CDC16: variants seen among roughly 807,000 people sequenced by gnomAD.
The protein encoded by CDC16 is cell division cycle 16.
CDC16 carries 34 observed loss-of-function variants against 87.0 expected under a neutral mutation model. The ratio of observed to expected loss-of-function variants is 0.39; its 90% CI spans 0.30 to 0.52. The LOEUF (loss-of-function observed/expected upper bound fraction) is 0.52, where lower values mean the gene tolerates loss of function less well. Ranked by LOEUF, CDC16 falls within the 20% of genes least tolerant of loss-of-function variation. The pLI is 0.74. For synonymous variants in CDC16, 263 were observed against 260.6 expected (o/e 1.01, Z -0.09); for missense variants, 653 against 751.9 (o/e 0.87, Z 1.54).
rs1566700110 is a variant in CDC16 at position 114,272,414 on chromosome 13, G to C, written c.1834G>C (p.Glu612Gln). 3 of 1,613,682 alleles carry C rather than the reference G, an allele frequency of 1.9e-6. No homozygotes were observed. The highest frequency in any genetic ancestry group is 2.5e-6 in the Non-Finnish European group (3 of 1,179,658). ...AATGAATGAAAGTGACATGATGTTAGAGACATCTATGTCAGACCACAGCAC... is the reference window on the plus strand; with the variant it reads ...AATGAATGAAAGTGACATGATGTTACAGACATCTATGTCAGACCACAGCAC... ...IEMNESDMML[E>Q]TSMSDHST The change falls in exon 18 of 18, where the codon GAG becomes CAG. Residue 612 changes from glutamate (E) to glutamine (Q), a missense_variant. Glu to Gln is a conservative substitution (Grantham distance 29). Coordinates refer to ENST00000356221, the MANE Select transcript of CDC16 (RefSeq NM_001078645.3).
At position 114,262,994 on chromosome 13, in the gene CDC16, G is replaced by T. The variant is rs765882538; in HGVS notation, c.1492G>T (p.Ala498Ser). 2 of 1,613,932 alleles carry T rather than the reference G, an allele frequency of 1.2e-6. No homozygotes were observed. Among genetic ancestry groups the T allele is most frequent in the South Asian group, 2.2e-5 (2 of 91,082 alleles). The change falls in exon 16 of 18, where the codon GCT becomes TCT. Residue 498 changes from alanine (A) to serine (S), a missense_variant. Physicochemically the swap from Ala to Ser is moderately conservative, Grantham distance 99. Transcript: ENST00000356221. ...IHSLMGNFEN[A>S]VDYFHTALGL... ...CAGTCTGATGGGCAACTTTGAAAATGCTGTGGACTACTTCCACACAGTATG... is the reference window on the plus strand; with the variant it reads ...CAGTCTGATGGGCAACTTTGAAAATTCTGTGGACTACTTCCACACAGTATG...
chr13:114,259,545 G>C lies in CDC16; in HGVS notation c.1314+147G>C, dbSNP rs535106208. ...GCGGCTGTTAATGTTTGCATTGTCA[G>C]TTAACTGTTTTACCACATGGTAAGA... On this transcript the variant is annotated intron_variant, in intron 14 of 17. Coordinates refer to ENST00000356221, the MANE Select transcript of CDC16 (RefSeq NM_001078645.3). The C allele has an allele frequency of 2.0e-4, 101 of 503,330 alleles. No homozygotes were observed. In the South Asian group the frequency reaches 3.7e-3, roughly 18 times the overall value. The allele number at this position is 503,330 out of a possible 1,614,324, so 31.2% of individuals were successfully genotyped here. A position where few individuals can be genotyped will look rare whatever the true frequency, so the allele number is the denominator to read the frequency against.
At chr13:114,252,983 T>A (rs1974083) in intron 12 of CDC16, among the ~76,000 whole-genome samples, 96,273 of 151,950 alleles carry the variant, frequency 0.63, 32,271 homozygotes, top group African/African-American at 0.86. Context: ...AAAAAAAATT[T>A]AAAATTAGCT....
chr13:114,253,116 T>C (rs2082288013), intron 12 of CDC16, among the ~76,000 whole-genome samples: 1 of 152,158 alleles, frequency 6.6e-6, no homozygotes, highest in Admixed American at 6.5e-5. Flanking sequence ...TCATGATAGC[T>C]CATCAAGATA....
intron 9 of CDC16, 87 bp from the exon 10 acceptor site, chr13:114,245,913 A>G: frequency 2.8e-6 from 2 of 727,102 alleles, no homozygotes; most frequent in South Asian, 1.6e-5. Context: ...GAGCAGAATT[A>G]TATGATTGTG....
At position 114,234,956 on chromosome 13, in the gene CDC16, C is replaced by A; in HGVS notation, c.-129C>A. 1.6e-6 allele frequency: 1 copy of A among 610,624 alleles called. No homozygotes were observed. Among genetic ancestry groups the A allele is most frequent in the Non-Finnish European group, 2.4e-6 (1 of 422,440 alleles). The allele number at this position is 610,624 out of a possible 1,614,324, so 37.8% of individuals were successfully genotyped here. ...GGTGGGGACCTGCGGCCTTCGAGTCCGCGGCCTTCGAGTCCTGGGGCGGCG... is the reference window on the plus strand; with the variant it reads ...GGTGGGGACCTGCGGCCTTCGAGTCAGCGGCCTTCGAGTCCTGGGGCGGCG... On this transcript the variant is annotated 5_prime_UTR_variant, in exon 1 of 18. Coordinates refer to ENST00000356221, the MANE Select transcript of CDC16 (RefSeq NM_001078645.3).
In CDC16 at chr13:114,272,511, C is replaced by T. The variant is rs1397668370; in HGVS notation, c.*68C>T. ...GTATTCCTTCACATCCTCTCCATGGCTTAAGAATGTCCCACTTCCTAACGT... is the reference window on the plus strand; with the variant it reads ...GTATTCCTTCACATCCTCTCCATGGTTTAAGAATGTCCCACTTCCTAACGT... On this transcript the variant is annotated 3_prime_UTR_variant, in exon 18 of 18. Transcript: ENST00000356221. The T allele has an allele frequency of 2.2e-6, 3 of 1,387,186 alleles. No individual in the cohort carries two copies. Among genetic ancestry groups the T allele is most frequent in the Admixed American group, 4.2e-5 (2 of 48,166 alleles). The allele number at this position is 1,387,186 out of a possible 1,614,324, so 85.9% of individuals were successfully genotyped here.
At position 114,272,345 on chromosome 13, in the gene CDC16, A is replaced by G; in HGVS notation, c.1765A>G (p.Thr589Ala). 6.2e-7 allele frequency: 1 copy of G among 1,614,152 alleles called. No homozygotes were observed. The highest frequency in any genetic ancestry group is 1.1e-5 in the South Asian group (1 of 91,084). ...GLTPLETSRKTPDSRPSLEET... is the reference protein window; with the variant it reads ...GLTPLETSRKAPDSRPSLEET... Reference sequence around the variant, plus strand: ...TACGCCATTGGAAACCTCAAGGAAAACTCCAGATTCCAGACCTTCCTTGGA... The same window carrying G: ...TACGCCATTGGAAACCTCAAGGAAAGCTCCAGATTCCAGACCTTCCTTGGA... The change falls in exon 18 of 18, where the codon ACT (threonine) becomes GCT (alanine). Residue 589 changes from threonine (T) to alanine (A), a missense_variant. Transcript: ENST00000356221.
intron 12 of CDC16, among the ~76,000 whole-genome samples, chr13:114,252,669 T>C (rs1022635135): frequency 6.6e-6 from 1 of 152,186 alleles, no homozygotes; most frequent in African/African-American, 2.4e-5. Flanking sequence ...AATAATTCAC[T>C]ATGAGTTGGT....
intron 8 of CDC16, 76 bp downstream of exon 8, chr13:114,244,065 C>T: frequency 1.0e-6 from 1 of 1,000,636 alleles, no homozygotes; most frequent in Non-Finnish European, 1.5e-6. Flanking sequence ...CGGACGTGCT[C>T]TCTGAATAAT....
intron 3 of CDC16, among the ~76,000 whole-genome samples, chr13:114,237,945 A>G (rs1171176626): frequency 6.6e-6 from 1 of 152,222 alleles, no homozygotes. Flanking sequence ...TGCAGGATAA[A>G]GTCAGATGCA....
chr13:114,256,734 A>G (rs1057488592), intron 12 of CDC16, among the ~76,000 whole-genome samples: 16 of 152,248 alleles, frequency 1.1e-4, no homozygotes, highest in African/African-American at 3.9e-4. Context: ...TGGTGAGTAA[A>G]TAAGAGGAAG....
intron 12 of CDC16, among the ~76,000 whole-genome samples, chr13:114,256,462 T>G (rs1203967332): frequency 2.6e-5 from 4 of 152,208 alleles, no homozygotes; most frequent in African/African-American, 4.8e-5. Flanking sequence ...AAAGATTGTC[T>G]TATTACACTT....
At chr13:114,237,553 A>G (rs997693528) in intron 3 of CDC16, among the ~76,000 whole-genome samples, 2 of 152,106 alleles carry the variant, frequency 1.3e-5, no homozygotes, top group Non-Finnish European at 2.9e-5. Context: ...TGGTCTCCCA[A>G]AGTGCTGGGA....
Position 114,241,652 on chromosome 13 carries a change from A to T in CDC16, c.382-469A>T, listed in dbSNP as rs116610865. Among the ~76,000 whole-genome samples, 459 of 152,312 alleles carry T rather than the reference A, an allele frequency of 3.0e-3. 1 individual carries two copies. The highest frequency in any genetic ancestry group is 0.011 in the African/African-American group (441 of 41,564). ...GTGAATTGAAGAAGCTTTGCTGTGC[A>T]TTTTTTGTGTGTTTTTATTTATGCC... is the stretch of plus-strand genomic sequence containing the variant. On this transcript the variant is annotated intron_variant, in intron 5 of 17. Transcript: ENST00000356221.
chr13:114,264,549 ACT>A (rs927892213), intron 16 of CDC16, among the ~76,000 whole-genome samples: 3 of 151,680 alleles, frequency 2.0e-5, no homozygotes, highest in Admixed American at 6.6e-5. Context: ...ACAGAGCGAG[ACT>A]CTGTCTCAAA....
At chr13:114,257,548 G>T (rs1175284063) in intron 13 of CDC16, among the ~76,000 whole-genome samples, 2 of 152,136 alleles carry the variant, frequency 1.3e-5, no homozygotes, top group Non-Finnish European at 2.9e-5. Flanking sequence ...TGTTGATAAG[G>T]AGTTGAATTT....
At chr13:114,241,559 C>G (rs1056625063) in intron 5 of CDC16, among the ~76,000 whole-genome samples, 1 of 152,198 alleles carries the variant, frequency 6.6e-6, no homozygotes, top group Non-Finnish European at 1.5e-5. Flanking sequence ...GGTAATGAAC[C>G]TAGTAGCCGT....
At position 114,242,134 on chromosome 13, in the gene CDC16, T is replaced by G; in HGVS notation, c.395T>G (p.Ile132Ser). Reference sequence around the variant, plus strand: ...TTTTTCCAACAGATAAAGAGTTCTATCTGTCTTCTACGCGGGAAAATCTAT... The same window carrying G: ...TTTTTCCAACAGATAAAGAGTTCTAGCTGTCTTCTACGCGGGAAAATCTAT... ...EMSQSSIKSSICLLRGKIYDA... is the reference protein window; with the variant it reads ...EMSQSSIKSSSCLLRGKIYDA... Residue 132 changes from isoleucine (I) to serine (S), a missense_variant, in exon 6 of 18, where the codon ATC (isoleucine) becomes AGC (serine). Coordinates refer to ENST00000356221, the MANE Select transcript of CDC16 (RefSeq NM_001078645.3). The G allele has an allele frequency of 1.2e-6, 2 of 1,606,458 alleles. No individual in the cohort carries two copies. Among genetic ancestry groups the G allele is most frequent in the Non-Finnish European group, 1.7e-6 (2 of 1,177,982 alleles).
Sources: gnomAD v4.1 joint callset for allele counts (sites outside exome capture counted in the v4.1 genomes callset) on GRCh38, gnomAD v4.1.1 for gene constraint, MANE v1.5 for transcripts, NCBI Gene and HGNC (gene_info 2026-07-23, HGNC 2026-07-21) for gene names.